Variants in OSBP2 observed in about 807,000 individuals in gnomAD.
OSBP2 encodes the protein oxysterol binding protein 2.
OSBP2 carries 66 observed loss-of-function variants against 96.0 expected under a neutral mutation model. That is an observed-to-expected ratio of 0.69 (90% CI 0.56 to 0.84). The LOEUF (loss-of-function observed/expected upper bound fraction) is 0.84. OSBP2 is among the 40% of genes least tolerant of loss of function. The pLI, the probability that OSBP2 is intolerant of heterozygous loss-of-function variation, is 0.00. For missense variants in OSBP2, 1,038 were observed against 1,222.7 expected (o/e 0.85, Z 2.25); for synonymous variants, 525 against 520.9 (o/e 1.01, Z -0.11).
At chr22:30,889,260 G>C (rs2039888962) in intron 6 of OSBP2, 26 bp downstream of exon 6, 2 of 1,606,376 alleles carry the variant, frequency 1.2e-6, no homozygotes, top group Non-Finnish European at 1.7e-6. Context: ...CACTGTAAGG[G>C]CCAGAAGGCA....
rs555143319 is a variant in OSBP2 at position 30,799,993 on chromosome 22, A to T, written c.853+58624A>T. Among the ~76,000 whole-genome samples, 3 of 152,368 alleles carry T rather than the reference A, an allele frequency of 2.0e-5. No individual in the cohort carries two copies. In the East Asian group the frequency reaches 5.8e-4, roughly 29 times the overall value. ...AGAGCCTCTTTCCGTCATGCCTACC[A>T]GTAAGACAGACCTGGGCTAGGCTAC... On this transcript the variant is annotated intron_variant, in intron 2 of 13. Transcript: ENST00000332585.
At chr22:30,865,625 CCA>C (rs1308946199) in intron 2 of OSBP2, among the ~76,000 whole-genome samples, 1 of 113,288 alleles carries the variant, frequency 8.8e-6, no homozygotes, top group African/African-American at 3.2e-5. Flanking sequence ...AAGCAAGACT[CCA>C]TCTCAAAAAA....
chr22:30,769,006 G>A (rs470061), intron 2 of OSBP2, among the ~76,000 whole-genome samples: 61,322 of 152,074 alleles, frequency 0.4, 13,330 homozygotes, highest in African/African-American at 0.58. Flanking sequence ...GGACTGTGAC[G>A]TTTCCCTGGG....
intron 1 of OSBP2, among the ~76,000 whole-genome samples, chr22:30,710,440 C>T (rs932499979): frequency 1.1e-4 from 16 of 152,134 alleles, no homozygotes; most frequent in Non-Finnish European, 5.9e-5. Flanking sequence ...ACTGTCATTA[C>T]CCTTAAAGAT....
At chr22:30,876,975 T>G (rs1056650798) in intron 3 of OSBP2, among the ~76,000 whole-genome samples, 4 of 152,136 alleles carry the variant, frequency 2.6e-5, no homozygotes, top group African/African-American at 9.7e-5. Context: ...ATCCCTGTCC[T>G]GGCACCACTG....
At chr22:30,731,221 G>A (rs1569101062) in intron 1 of OSBP2, among the ~76,000 whole-genome samples, 2 of 151,968 alleles carry the variant, frequency 1.3e-5, no homozygotes, top group Admixed American at 1.3e-4. Context: ...CACTTTGGGA[G>A]GTGCAATCCC....
intron 2 of OSBP2, among the ~76,000 whole-genome samples, chr22:30,805,125 T>C (rs2090910526): frequency 6.6e-6 from 1 of 152,230 alleles, no homozygotes; most frequent in South Asian, 2.1e-4. Flanking sequence ...GGGTTGACCC[T>C]GGGTGATTGA....
At chr22:30,818,956 C>A (rs973001124) in intron 2 of OSBP2, among the ~76,000 whole-genome samples, 6 of 152,146 alleles carry the variant, frequency 3.9e-5, no homozygotes, top group African/African-American at 7.2e-5. Flanking sequence ...GGTAAGTGAA[C>A]CTCAGGAAGG....
chr22:30,751,755 G>A (rs907630372), intron 2 of OSBP2, among the ~76,000 whole-genome samples: 4 of 152,154 alleles, frequency 2.6e-5, no homozygotes, highest in African/African-American at 9.7e-5. Flanking sequence ...AGAATCACCC[G>A]CAGGAGATTA....
At chr22:30,772,897 A>G (rs2090370276) in intron 2 of OSBP2, among the ~76,000 whole-genome samples, 1 of 151,082 alleles carries the variant, frequency 6.6e-6, no homozygotes. Context: ...GGTTCAAGCA[A>G]TTCTCCTGCC....
At position 30,775,949 on chromosome 22, in the gene OSBP2, C is replaced by A. The variant is rs535575298; in HGVS notation, c.853+34580C>A. 1.9e-3 allele frequency among the ~76,000 whole-genome samples: 295 copies of A among 151,844 alleles called. 1 individual carries two copies. The highest frequency in any genetic ancestry group is 6.6e-3 in the African/African-American group (273 of 41,422). ...GTAGTGGGACTATAGGAAGGCACCA[C>A]CACACCTGGCTAATTTTTGTATTTT... On this transcript the variant is annotated intron_variant, in intron 2 of 13. Coordinates refer to ENST00000332585, the MANE Select transcript of OSBP2 (RefSeq NM_030758.4).
At chr22:30,827,150 G>A (rs1231006214) in intron 2 of OSBP2, among the ~76,000 whole-genome samples, 1 of 152,166 alleles carries the variant, frequency 6.6e-6, no homozygotes, top group African/African-American at 2.4e-5. Context: ...CTCATGATGG[G>A]TGAGATATAG....
chr22:30,747,598 C>T (rs900776587), intron 2 of OSBP2, among the ~76,000 whole-genome samples: 1 of 152,140 alleles, frequency 6.6e-6, no homozygotes, highest in East Asian at 1.9e-4. Context: ...GGGTAAAATC[C>T]AAGCTCTTCC....
chr22:30,828,799 G>A (rs151032315), intron 2 of OSBP2, among the ~76,000 whole-genome samples: 1 of 152,276 alleles, frequency 6.6e-6, no homozygotes, highest in Non-Finnish European at 1.5e-5. Flanking sequence ...CGGGGGAGAG[G>A]TGGGCAGAGC....
intron 2 of OSBP2, among the ~76,000 whole-genome samples, chr22:30,769,922 G>A (rs2090325896): frequency 6.6e-6 from 1 of 152,002 alleles, no homozygotes; most frequent in Admixed American, 6.6e-5. Context: ...ACGTGTTGAG[G>A]GTGGGGCCAG....
At chr22:30,757,543 G>A (rs1196857663) in intron 2 of OSBP2, among the ~76,000 whole-genome samples, 3 of 151,766 alleles carry the variant, frequency 2.0e-5, no homozygotes, top group South Asian at 2.1e-4. Flanking sequence ...TCAGTCTCCC[G>A]AGTAGCTGGG....
At chr22:30,811,172 C>G (rs974032043) in intron 2 of OSBP2, among the ~76,000 whole-genome samples, 3 of 148,460 alleles carry the variant, frequency 2.0e-5, no homozygotes, top group Non-Finnish European at 4.5e-5. Flanking sequence ...CAACCCCCCC[C>G]CCACACATAC....
chr22:30,725,035 G>A (rs973004828), intron 1 of OSBP2, among the ~76,000 whole-genome samples: 5 of 151,492 alleles, frequency 3.3e-5, no homozygotes, highest in Non-Finnish European at 7.4e-5. Context: ...AATTAGCCGG[G>A]CGTGGTGGCA....
At chr22:30,892,754 G>A (rs1043047841) in intron 8 of OSBP2, among the ~76,000 whole-genome samples, 1 of 152,162 alleles carries the variant, frequency 6.6e-6, no homozygotes, top group South Asian at 2.1e-4. Flanking sequence ...GACACACCTG[G>A]TGTGTGGGGA....
Sources: allele counts gnomAD v4.1 joint callset (sites outside exome capture counted in the v4.1 genomes callset), GRCh38; gene constraint gnomAD v4.1.1; transcripts MANE v1.5; gene names NCBI Gene and HGNC (gene_info 2026-07-23, HGNC 2026-07-21).